PRKCE: variants seen among roughly 807,000 people sequenced by gnomAD.
PRKCE encodes protein kinase C epsilon.
In PRKCE, 16 loss-of-function variants were observed where a neutral mutation model predicts 85.4. That is an observed-to-expected ratio of 0.19 (90% CI 0.13 to 0.28). PRKCE has a LOEUF of 0.28. PRKCE is among the 10% of genes least tolerant of loss of function. PRKCE has a pLI of 1.00. For synonymous variants in PRKCE, 388 were observed against 371.5 expected (o/e 1.04, Z -0.51); for missense variants, 573 against 975.2 (o/e 0.59, Z 5.49).
At chr2:46,037,777 G>C (rs1707961900) in intron 10 of PRKCE, among the ~76,000 whole-genome samples, 1 of 152,168 alleles carries the variant, frequency 6.6e-6, no homozygotes, top group Admixed American at 6.5e-5. Flanking sequence ...GGAGGCCTTT[G>C]AGAGTCAGGA....
chr2:46,139,464 C>T lies in PRKCE; in HGVS notation c.1593-5629C>T, dbSNP rs1420461297. Among the ~76,000 whole-genome samples the T allele has an allele frequency of 6.6e-6, 1 of 151,986 alleles. No individual in the cohort carries two copies. The highest frequency in any genetic ancestry group is 1.9e-4 in the East Asian group (1 of 5,190). On this transcript the variant is annotated intron_variant, in intron 11 of 14. Coordinates refer to ENST00000306156, the MANE Select transcript of PRKCE (RefSeq NM_005400.3). The surrounding 1 kb of genome is among the most constrained non-coding windows in gnomAD (Gnocchi z 5.2). ...GCCTGGATTATTTTGAAGTGGATTCCATTGCAATTAACACATAAACCCAAA... is the reference window on the plus strand; with the variant it reads ...GCCTGGATTATTTTGAAGTGGATTCTATTGCAATTAACACATAAACCCAAA...
At position 46,001,003 on chromosome 2, in the gene PRKCE, G is replaced by T. The variant is rs1704633863; in HGVS notation, c.824-401G>T. Reference sequence around the variant, plus strand: ...TTAGGTGCCAGACTTCAATGAGCAGGTTGTTTTCACCTGTGATGTCTTACA... The same window carrying T: ...TTAGGTGCCAGACTTCAATGAGCAGTTTGTTTTCACCTGTGATGTCTTACA... On this transcript the variant is annotated intron_variant, in intron 6 of 14. Coordinates refer to ENST00000306156, the MANE Select transcript of PRKCE (RefSeq NM_005400.3). This position sits in a 1 kb window ranked among gnomAD's most constrained non-coding sequence, Gnocchi z 4.4. 6.6e-6 allele frequency: 1 copy of T among 152,166 alleles called. No homozygotes were observed. The highest frequency in any genetic ancestry group is 1.5e-5 in the Non-Finnish European group (1 of 68,040). The allele number at this position is 152,166 out of a possible 1,614,324, so 9.4% of individuals were successfully genotyped here.
chr2:46,141,490 G>A (rs1003076016), intron 11 of PRKCE, among the ~76,000 whole-genome samples: 1 of 152,204 alleles, frequency 6.6e-6, no homozygotes, highest in African/African-American at 2.4e-5. Flanking sequence ...CCTGTAGAGA[G>A]AGAAAAGGGT....
At chr2:46,157,425 T>C (rs1018242803) in intron 13 of PRKCE, among the ~76,000 whole-genome samples, 3 of 152,182 alleles carry the variant, frequency 2.0e-5, no homozygotes, top group African/African-American at 7.2e-5. Context: ...CATTCAGTAA[T>C]GTCTGGAGAT....
chr2:45,863,591 A>AGTTC (rs1160455949), intron 2 of PRKCE, among the ~76,000 whole-genome samples: 4 of 151,916 alleles, frequency 2.6e-5, no homozygotes, highest in African/African-American at 9.7e-5. Context: ...ACTCTCAAGG[A>AGTTC]GTTCATGTTT....
chr2:45,908,162 C>T (rs1558820294), intron 2 of PRKCE, among the ~76,000 whole-genome samples: 1 of 152,174 alleles, frequency 6.6e-6, no homozygotes, highest in Non-Finnish European at 1.5e-5. Flanking sequence ...TGTGGCCCCT[C>T]ACTGTGCCTC....
At chr2:46,167,037 C>T (rs1017841969) in intron 14 of PRKCE, 1 of 152,198 alleles carries the variant, frequency 6.6e-6, no homozygotes, top group African/African-American at 2.4e-5. Flanking sequence ...CTACTTTGTG[C>T]ACTGTAGATT....
chr2:45,845,375 A>T (rs905892178), intron 2 of PRKCE: 1 of 143,506 alleles, frequency 7.0e-6, no homozygotes, highest in Non-Finnish European at 1.5e-5. Context: ...TGGACTAAGT[A>T]TTTTTTTTTT....
intron 10 of PRKCE, among the ~76,000 whole-genome samples, chr2:46,050,134 T>C (rs1257381165): frequency 2.6e-5 from 4 of 152,232 alleles, no homozygotes; most frequent in African/African-American, 4.8e-5. Flanking sequence ...TGGCCTGTGA[T>C]GCACATTCCC....
chr2:45,730,634 A>G (rs1681488878), intron 1 of PRKCE, among the ~76,000 whole-genome samples: 1 of 145,296 alleles, frequency 6.9e-6, no homozygotes, highest in Non-Finnish European at 1.5e-5. Flanking sequence ...TAATTTTTGT[A>G]TTTTTAGTAC....
intron 1 of PRKCE, among the ~76,000 whole-genome samples, chr2:45,836,692 C>A (rs1690907348): frequency 6.6e-6 from 1 of 152,190 alleles, no homozygotes; most frequent in East Asian, 1.9e-4. Context: ...GTCCCCCAGT[C>A]TTCTGTCCTG....
chr2:46,015,928 A>G (rs748622564), intron 10 of PRKCE, among the ~76,000 whole-genome samples: 2 of 152,144 alleles, frequency 1.3e-5, no homozygotes, highest in Non-Finnish European at 1.5e-5. Flanking sequence ...GCTCAACACA[A>G]TGAGTTGGTT....
At chr2:46,104,296 CTT>C (rs59018550) in intron 11 of PRKCE, among the ~76,000 whole-genome samples, 75 of 118,488 alleles carry the variant, frequency 6.3e-4, no homozygotes, top group African/African-American at 2.1e-3. Flanking sequence ...TCACCTTGTA[CTT>C]TTTTTTTTTT....
At chr2:46,152,119 C>G (rs1160473730) in intron 13 of PRKCE, among the ~76,000 whole-genome samples, 1 of 152,166 alleles carries the variant, frequency 6.6e-6, no homozygotes, top group Non-Finnish European at 1.5e-5. Context: ...TGCACTATTA[C>G]TAGCTTTTCT....
chr2:46,134,162 G>A (rs944197319), intron 11 of PRKCE, among the ~76,000 whole-genome samples: 3 of 152,156 alleles, frequency 2.0e-5, no homozygotes, highest in African/African-American at 4.8e-5. Context: ...TTGGGGCCAC[G>A]ATCTGTGAAT....
At chr2:46,036,699 TG>T (rs746005868) in intron 10 of PRKCE, among the ~76,000 whole-genome samples, 27 of 151,988 alleles carry the variant, frequency 1.8e-4, no homozygotes, top group Admixed American at 3.3e-4. Context: ...CTCTCTGGGC[TG>T]GGGTGGTCAA....
At chr2:46,048,455 G>C (rs1708657914) in intron 10 of PRKCE, among the ~76,000 whole-genome samples, 1 of 152,202 alleles carries the variant, frequency 6.6e-6, no homozygotes, top group African/African-American at 2.4e-5. Flanking sequence ...ATCCATATGG[G>C]GTTCACTGGG....
At chr2:45,909,870 T>C (rs1206572448) in intron 2 of PRKCE, among the ~76,000 whole-genome samples, 2 of 152,192 alleles carry the variant, frequency 1.3e-5, no homozygotes, top group African/African-American at 4.8e-5. Flanking sequence ...GCCAACAACT[T>C]AATTTTCCCC....
At position 46,068,010 on chromosome 2, in the gene PRKCE, T is replaced by G. The variant is rs903809603; in HGVS notation, c.1438-18198T>G. ...AGGCAGGGTTTCCTTACTGGCTTAC[T>G]GATTATATCACTCGCGAAGGGATTA... is the stretch of plus-strand genomic sequence containing the variant. On this transcript the variant is annotated intron_variant, in intron 10 of 14. Coordinates refer to ENST00000306156, the MANE Select transcript of PRKCE (RefSeq NM_005400.3). This position sits in a 1 kb window ranked among gnomAD's most constrained non-coding sequence, Gnocchi z 4.3. 2.6e-5 allele frequency among the ~76,000 whole-genome samples: 4 copies of G among 152,230 alleles called. No individual in the cohort carries two copies. The highest frequency in any genetic ancestry group is 9.6e-5 in the African/African-American group (4 of 41,464).
Sources: gnomAD v4.1 joint callset for allele counts (sites outside exome capture counted in the v4.1 genomes callset) on GRCh38, gnomAD v4.1.1 for gene constraint, Gnocchi (gnomAD v3.1) non-coding constraint, MANE v1.5 for transcripts, NCBI Gene and HGNC (gene_info 2026-07-23, HGNC 2026-07-21) for gene names.